Variants in KIAA1217 observed in about 807,000 individuals in gnomAD.
KIAA1217 encodes the protein sickle tail protein homolog.
A neutral mutation model predicts 163.9 loss-of-function variants in KIAA1217; 88 were observed. The ratio of observed to expected loss-of-function variants is 0.54; its 90% CI spans 0.45 to 0.64. The LOEUF is 0.64. Ranked by LOEUF, KIAA1217 falls within the 30% of genes least tolerant of loss-of-function variation. The pLI is 0.00. For missense variants in KIAA1217, 2,372 were observed against 2,475.0 expected (o/e 0.96, Z 0.88); for synonymous variants, 903 against 923.1 (o/e 0.98, Z 0.39).
intron 5 of KIAA1217, among the ~76,000 whole-genome samples, chr10:24,453,377 A>G (rs1350008872): frequency 1.3e-5 from 2 of 152,250 alleles, no homozygotes; most frequent in Non-Finnish European, 2.9e-5. Flanking sequence ...TTACTAAAAG[A>G]GAACCAGAAA....
chr10:24,395,247 T>A (rs2055560634), intron 3 of KIAA1217, among the ~76,000 whole-genome samples: 1 of 152,194 alleles, frequency 6.6e-6, no homozygotes, highest in Admixed American at 6.5e-5. Context: ...CCCTACTTGA[T>A]CTCTGAATCA....
At chr10:24,098,052 G>A (rs539415180) in intron 2 of KIAA1217, among the ~76,000 whole-genome samples, 78 of 152,212 alleles carry the variant, frequency 5.1e-4, no homozygotes, top group African/African-American at 1.8e-3. Flanking sequence ...CAGAAAAAAG[G>A]CCAGTTAACC....
chr10:23,709,027 G>A (rs371449760), intron 1 of KIAA1217, among the ~76,000 whole-genome samples: 3 of 152,096 alleles, frequency 2.0e-5, no homozygotes, highest in African/African-American at 7.2e-5. Flanking sequence ...CCTCCTCTAG[G>A]CAGTTGGGTT....
chr10:23,885,459 C>T (rs1037038606), intron 1 of KIAA1217, among the ~76,000 whole-genome samples: 1 of 151,902 alleles, frequency 6.6e-6, no homozygotes, highest in Non-Finnish European at 1.5e-5. Context: ...GGGAAACTGA[C>T]AGAGAGTAGA....
At chr10:23,855,720 C>CT (rs1839621174) in intron 1 of KIAA1217, among the ~76,000 whole-genome samples, 1 of 152,050 alleles carries the variant, frequency 6.6e-6, no homozygotes, top group Non-Finnish European at 1.5e-5. Flanking sequence ...TCTTTTTATT[C>CT]TTTTTTCTCT....
chr10:24,508,266 A>G (rs1268741345), intron 9 of KIAA1217, among the ~76,000 whole-genome samples: 3 of 152,252 alleles, frequency 2.0e-5, no homozygotes, highest in Non-Finnish European at 4.4e-5. Flanking sequence ...ATCGTATTTC[A>G]ATAAATGCAG....
intron 6 of KIAA1217, among the ~76,000 whole-genome samples, chr10:24,491,836 G>A (rs2066189979): frequency 6.6e-6 from 1 of 151,844 alleles, no homozygotes; most frequent in African/African-American, 2.4e-5. Context: ...TACTAAGGTT[G>A]TCATCATGCC....
At chr10:23,699,961 G>A (rs1374188199) in intron 1 of KIAA1217, among the ~76,000 whole-genome samples, 2 of 152,196 alleles carry the variant, frequency 1.3e-5, no homozygotes, top group African/African-American at 2.4e-5. Flanking sequence ...ATGAAAATTT[G>A]TTGAATAAAG....
intron 2 of KIAA1217, among the ~76,000 whole-genome samples, chr10:24,296,987 TG>T (rs1387603211): frequency 6.6e-6 from 1 of 152,224 alleles, no homozygotes. Flanking sequence ...CTCACTTACT[TG>T]ATACCAACCA....
chr10:24,538,560 G>A (rs1297820042), intron 17 of KIAA1217, among the ~76,000 whole-genome samples: 1 of 96,214 alleles, frequency 1.0e-5, no homozygotes, highest in Non-Finnish European at 2.1e-5. Context: ...GAGGGAGGGA[G>A]GGAGGGAGGA....
chr10:24,160,809 G>A (rs1326637), intron 2 of KIAA1217, among the ~76,000 whole-genome samples: 4,856 of 152,308 alleles, frequency 0.032, 118 homozygotes, highest in Non-Finnish European at 0.053. Flanking sequence ...TGTCAAAAAT[G>A]TGTAACAGGG....
At chr10:23,959,767 A>T (rs756061555) in intron 1 of KIAA1217, among the ~76,000 whole-genome samples, 1 of 151,818 alleles carries the variant, frequency 6.6e-6, no homozygotes, top group African/African-American at 2.4e-5. Context: ...AACTCGGGGG[A>T]GCTTAGCAAG....
chr10:24,323,676 A>G (rs1457210160), intron 2 of KIAA1217, among the ~76,000 whole-genome samples: 1 of 152,106 alleles, frequency 6.6e-6, no homozygotes, highest in Non-Finnish European at 1.5e-5. Context: ...CCAGCTGGGT[A>G]GGAAGGAAGA....
chr10:23,752,412 G>A (rs1285007774), intron 1 of KIAA1217, among the ~76,000 whole-genome samples: 1 of 152,112 alleles, frequency 6.6e-6, no homozygotes, highest in African/African-American at 2.4e-5. Context: ...AGAGTAGGCT[G>A]ATTTTATTGC....
intron 1 of KIAA1217, among the ~76,000 whole-genome samples, chr10:23,712,271 C>T (rs776116680): frequency 1.8e-4 from 27 of 152,118 alleles, no homozygotes; most frequent in Non-Finnish European, 4.0e-4. Flanking sequence ...ATCCCTAGCC[C>T]TATGCTCCCC....
intron 1 of KIAA1217, among the ~76,000 whole-genome samples, chr10:23,783,167 T>C (rs573528827): frequency 6.6e-6 from 1 of 152,188 alleles, no homozygotes; most frequent in African/African-American, 2.4e-5. Context: ...TAAAATACAT[T>C]AAGACTAAGG....
At chr10:24,435,449 C>T (rs1029923405) in intron 4 of KIAA1217, among the ~76,000 whole-genome samples, 1 of 152,226 alleles carries the variant, frequency 6.6e-6, no homozygotes, top group Non-Finnish European at 1.5e-5. Flanking sequence ...AATCATCTTA[C>T]ATTTCTGCCT....
chr10:24,543,281 T>G lies in KIAA1217; in HGVS notation c.4011T>G (p.Asp1337Glu), dbSNP rs1274587448. The G allele has an allele frequency of 6.2e-7, 1 of 1,613,840 alleles. No individual in the cohort carries two copies. Among genetic ancestry groups the G allele is most frequent in the Non-Finnish European group, 8.5e-7 (1 of 1,179,976 alleles). The change falls in exon 19 of 21, where the codon GAT becomes GAG. Residue 1337 changes from aspartate (D) to glutamate (E), a missense_variant. Physicochemically the swap from Asp to Glu is conservative, Grantham distance 45 (BLOSUM62 2). Transcript: ENST00000376454. ...GCGTGCATGATTTTAAAACAGAAGA[T>G]CAAGAGGTTATCACGACAGATTTTG... ...ESSVHDFKTE[D>E]QEVITTDFGQ...
intron 1 of KIAA1217, among the ~76,000 whole-genome samples, chr10:23,716,767 A>G (rs1330269832): frequency 6.6e-6 from 1 of 152,198 alleles, no homozygotes; most frequent in Non-Finnish European, 1.5e-5. Context: ...AACAACAAAA[A>G]AACATTCTTG....
Sources: allele counts gnomAD v4.1 joint callset (sites outside exome capture counted in the v4.1 genomes callset), GRCh38; gene constraint gnomAD v4.1.1; transcripts MANE v1.5; gene names NCBI Gene and HGNC (gene_info 2026-07-23, HGNC 2026-07-21).